Variants in ZNF503 observed in about 807,000 individuals in gnomAD.
The protein encoded by ZNF503 is NocA-like zinc finger 2.
ZNF503 carries 15 observed loss-of-function variants against 34.4 expected under a neutral mutation model. That is an observed-to-expected ratio of 0.44 (90% confidence interval 0.29 to 0.67). ZNF503 has a LOEUF of 0.67. ZNF503 is among the 30% of genes least tolerant of loss of function. The pLI is 0.13. For missense variants in ZNF503, 1,007 were observed against 926.8 expected, an observed-to-expected ratio of 1.09 and a Z score of -1.12; for synonymous variants, 580 against 456.8, an observed-to-expected ratio of 1.27 and a Z score of -3.44.
Position 75,400,063 on chromosome 10 carries a change from C to T in ZNF503, c.627G>A (p.Lys209=). The stretch of plus-strand genomic sequence containing the variant: ...TGGCGCTCGGTACCCGGAATCCCGA[C>T]TTCTCCGACGAAACACCCCCGCCGC... ...GGGGGGVSSE[K]SGFRVPSATC... The change falls in exon 2 of 2, where the codon AAG becomes AAA. Residue 209 remains lysine (K), a synonymous_variant. Transcript: ENST00000372524. 1 of 1,577,668 alleles carries T rather than the reference C, an allele frequency of 6.3e-7. No homozygotes were observed. The highest frequency in any genetic ancestry group is 8.6e-7 in the Non-Finnish European group (1 of 1,164,428).
At position 75,399,268 on chromosome 10, in the gene ZNF503, C is replaced by A; in HGVS notation, c.1422G>T (p.Pro474=). Residue 474 remains proline (P), a synonymous_variant, in exon 2 of 2, where the codon CCG becomes CCT. Transcript: ENST00000372524. ...TTAGCGAGGAGTGCACACCGTGCAG[C>A]GGGTGCGTGGGGTACACCAGCGGGT... The part of the protein sequence containing the change: ...SGYPLVYPTH[P]LHGVHSSLTA... 6.3e-7 allele frequency: 1 copy of A among 1,597,420 alleles called. No homozygotes were observed. Among genetic ancestry groups the A allele is most frequent in the Non-Finnish European group, 8.5e-7 (1 of 1,172,574 alleles).
the ZNF503 span, among the ~76,000 whole-genome samples, chr10:75,376,028 C>T: frequency 6.6e-6 from 1 of 152,184 alleles, no homozygotes; most frequent in Non-Finnish European, 1.5e-5. Context: ...GAGGCTAGGG[C>T]TAGAATCAGC....
the ZNF503 span, among the ~76,000 whole-genome samples, chr10:75,353,694 C>T: frequency 2.6e-5 from 4 of 152,208 alleles, no homozygotes; most frequent in Non-Finnish European, 4.4e-5. Context: ...ACCTCCCAAA[C>T]GGGCAGCTCA....
chr10:75,391,111 G>T, the ZNF503 span, among the ~76,000 whole-genome samples: 1 of 150,160 alleles, frequency 6.7e-6, no homozygotes, highest in African/African-American at 2.5e-5. Context: ...GGGGTGTAGA[G>T]CTTCAAATGA....
chr10:75,326,174 T>C, the ZNF503 span, among the ~76,000 whole-genome samples: 1 of 152,250 alleles, frequency 6.6e-6, no homozygotes, highest in Non-Finnish European at 1.5e-5. Context: ...ATTGATTTTT[T>C]TGTATATTTG....
the ZNF503 span, chr10:75,279,952 C>T: frequency 6.6e-6 from 1 of 152,204 alleles, no homozygotes; most frequent in Non-Finnish European, 1.5e-5. Context: ...ATTCACCTCA[C>T]AAAGTCTCCA....
chr10:75,392,803 A>T, the ZNF503 span, among the ~76,000 whole-genome samples: 1 of 152,218 alleles, frequency 6.6e-6, no homozygotes, highest in Admixed American at 6.5e-5. Context: ...AAAGGAAAGA[A>T]AGAAACAAAC....
the ZNF503 span, among the ~76,000 whole-genome samples, chr10:75,391,272 C>T: frequency 2.0e-5 from 3 of 152,144 alleles, no homozygotes; most frequent in African/African-American, 4.8e-5. Context: ...GGCTGAGGAG[C>T]GGTGTGGTAT....
chr10:75,304,511 G>A, the ZNF503 span, among the ~76,000 whole-genome samples: 5 of 152,002 alleles, frequency 3.3e-5, no homozygotes, highest in Non-Finnish European at 5.9e-5. Flanking sequence ...ATAAACACTC[G>A]TGACTGGTTT....
In ZNF503 at chr10:75,399,265, C is replaced by A; in HGVS notation, c.1425G>T (p.Leu475=). The A allele has an allele frequency of 6.3e-7, 1 of 1,597,500 alleles. No individual in the cohort carries two copies. Among genetic ancestry groups the A allele is most frequent in the Non-Finnish European group, 8.5e-7 (1 of 1,172,518 alleles). Reference sequence around the variant, plus strand: ...CCGTTAGCGAGGAGTGCACACCGTGCAGCGGGTGCGTGGGGTACACCAGCG... The same window carrying A: ...CCGTTAGCGAGGAGTGCACACCGTGAAGCGGGTGCGTGGGGTACACCAGCG... ...GYPLVYPTHP[L]HGVHSSLTAA... The change falls in exon 2 of 2, where the codon CTG becomes CTT. Residue 475 remains leucine (L), a synonymous_variant. Transcript: ENST00000372524.
chr10:75,396,012 C>G (rs1369589640), downstream of ZNF503, among the ~76,000 whole-genome samples: 1 of 152,132 alleles, frequency 6.6e-6, no homozygotes, highest in African/African-American at 2.4e-5. This position sits in a 1 kb window ranked among gnomAD's most constrained non-coding sequence, Gnocchi z 4.4. Context: ...GCCTGTGGGT[C>G]GCAGTGGCCA....
chr10:75,314,636 T>C, the ZNF503 span, among the ~76,000 whole-genome samples: 1 of 152,112 alleles, frequency 6.6e-6, no homozygotes, highest in Non-Finnish European at 1.5e-5. Flanking sequence ...GATTAGGTAA[T>C]AAAATAAGGC....
the ZNF503 span, among the ~76,000 whole-genome samples, chr10:75,379,506 A>G: frequency 3.0e-4 from 46 of 152,178 alleles, no homozygotes; most frequent in Admixed American, 1.1e-3. Flanking sequence ...AAAGCTGGGG[A>G]AATGTCCCAC....
chr10:75,329,787 A>G, the ZNF503 span, among the ~76,000 whole-genome samples: 1 of 152,010 alleles, frequency 6.6e-6, no homozygotes, highest in Admixed American at 6.6e-5. Flanking sequence ...AAGCTTTTCT[A>G]TGTGTAAGAT....
At chr10:75,396,838 C>T (rs910095495), downstream of ZNF503, among the ~76,000 whole-genome samples, 1 of 152,138 alleles carries the variant, frequency 6.6e-6, no homozygotes, top group Non-Finnish European at 1.5e-5. This position sits in a 1 kb window ranked among gnomAD's most constrained non-coding sequence, Gnocchi z 4.4. Flanking sequence ...GTCTCGGCCC[C>T]CCTCCCCCCA....
At chr10:75,358,328 G>A in the ZNF503 span, 2 of 152,246 alleles carry the variant, frequency 1.3e-5, no homozygotes, top group Non-Finnish European at 2.9e-5. Context: ...CCGGAATAAA[G>A]TTGGAAGTGT....
At chr10:75,296,151 G>GT in the ZNF503 span, among the ~76,000 whole-genome samples, 4 of 152,224 alleles carry the variant, frequency 2.6e-5, no homozygotes, top group Admixed American at 2.0e-4. Context: ...TAGGAGAGCT[G>GT]TTTGACCCTC....
the ZNF503 span, among the ~76,000 whole-genome samples, chr10:75,295,208 G>A: frequency 2.6e-5 from 4 of 151,650 alleles, no homozygotes; most frequent in Non-Finnish European, 5.9e-5. This position sits in a 1 kb window ranked among gnomAD's most constrained non-coding sequence, Gnocchi z 4.0. Flanking sequence ...GGGCGGGCCC[G>A]CCTGGGCGAC....
At chr10:75,300,492 G>T in the ZNF503 span, among the ~76,000 whole-genome samples, 1 of 152,090 alleles carries the variant, frequency 6.6e-6, no homozygotes, top group East Asian at 1.9e-4. Context: ...TATTGATTGG[G>T]GAAGTGGTAA....
Sources: allele counts gnomAD v4.1 joint callset (sites outside exome capture counted in the v4.1 genomes callset), GRCh38; gene constraint gnomAD v4.1.1; non-coding constraint Gnocchi (gnomAD v3.1); transcripts MANE v1.5; gene names NCBI Gene and HGNC (gene_info 2026-07-23, HGNC 2026-07-21).